Variants in CAMK1D observed in about 807,000 individuals in gnomAD.
The protein encoded by CAMK1D is calcium/calmodulin-dependent protein kinase type 1D.
CAMK1D carries 9 observed loss-of-function variants against 47.7 expected under a neutral mutation model. The observed-to-expected ratio is 0.19, with a 90% CI of 0.11 to 0.33. The LOEUF (loss-of-function observed/expected upper bound fraction) is 0.33, where lower values mean the gene tolerates loss of function less well. Among genes scored for constraint, CAMK1D ranks in the 10% least tolerant of loss-of-function variants. The pLI, the probability that CAMK1D is intolerant of heterozygous loss-of-function variation, is 1.00. For missense variants in CAMK1D, 291 were observed against 488.7 expected (o/e 0.60, Z 3.81); for synonymous variants, 184 against 184.9 (o/e 0.99, Z 0.04).
chr10:12,761,049 A>G lies in CAMK1D; in HGVS notation c.401A>G (p.Tyr134Cys), dbSNP rs1836483569. 1 of 1,614,168 alleles carries G rather than the reference A, an allele frequency of 6.2e-7. No individual in the cohort carries two copies. The highest frequency in any genetic ancestry group is 1.7e-5 in the Admixed American group (1 of 60,016). ...LIRQVLDAVYYLHRMGIVHRD... is the reference protein window; with the variant it reads ...LIRQVLDAVYCLHRMGIVHRD... ...CGCCAAGTCTTGGACGCCGTGTACTATCTCCACAGAATGGGCATCGTCCAC... is the reference window on the plus strand; with the variant it reads ...CGCCAAGTCTTGGACGCCGTGTACTGTCTCCACAGAATGGGCATCGTCCAC... The change falls in exon 4 of 11, where the codon TAT becomes TGT. Residue 134 changes from tyrosine to cysteine, a missense_variant. Physicochemically the swap from Tyr to Cys is radical, Grantham distance 194. Transcript: ENST00000619168.
chr10:12,740,850 C>T (rs1432355731), intron 3 of CAMK1D, among the ~76,000 whole-genome samples: 2 of 152,164 alleles, frequency 1.3e-5, no homozygotes, highest in Non-Finnish European at 2.9e-5. Flanking sequence ...ACTCACATCC[C>T]TTTGGTTGAG....
chr10:12,433,372 C>T (rs1279975361), intron 1 of CAMK1D, among the ~76,000 whole-genome samples: 1 of 152,056 alleles, frequency 6.6e-6, no homozygotes, highest in Non-Finnish European at 1.5e-5. Context: ...GCTCCAGGTA[C>T]AGCGTAATTT....
chr10:12,540,636 C>CATAGG (rs1473069864), intron 1 of CAMK1D, among the ~76,000 whole-genome samples: 1 of 152,200 alleles, frequency 6.6e-6, no homozygotes, highest in Non-Finnish European at 1.5e-5. Flanking sequence ...TGGTTTCAGA[C>CATAGG]ATAGGATTGT....
At chr10:12,707,652 A>C (rs1359936014) in intron 3 of CAMK1D, among the ~76,000 whole-genome samples, 3 of 152,194 alleles carry the variant, frequency 2.0e-5, no homozygotes. Flanking sequence ...CAGAACTTAG[A>C]GGGCAGAGGC....
chr10:12,354,035 A>G (rs1837426167), intron 1 of CAMK1D, among the ~76,000 whole-genome samples: 3 of 152,186 alleles, frequency 2.0e-5, no homozygotes, highest in African/African-American at 7.2e-5. Context: ...TCACTTCTGC[A>G]ATTTCCAGGC....
chr10:12,493,761 T>A (rs1354251415), intron 1 of CAMK1D, among the ~76,000 whole-genome samples: 2 of 152,200 alleles, frequency 1.3e-5, no homozygotes, highest in Non-Finnish European at 2.9e-5. Flanking sequence ...CCCAAAGTGC[T>A]GGGACTACAG....
At chr10:12,584,548 G>A (rs1282716718) in intron 2 of CAMK1D, among the ~76,000 whole-genome samples, 2 of 152,242 alleles carry the variant, frequency 1.3e-5, no homozygotes, top group East Asian at 3.9e-4. Context: ...GGCTGGGCGT[G>A]GTGGCTCTCG....
intron 1 of CAMK1D, among the ~76,000 whole-genome samples, chr10:12,388,935 A>T (rs1838620171): frequency 6.6e-6 from 1 of 152,156 alleles, no homozygotes; most frequent in East Asian, 1.9e-4. Context: ...CCTGCGGTAA[A>T]GGCGTGGCTT....
intron 3 of CAMK1D, among the ~76,000 whole-genome samples, chr10:12,723,818 G>C (rs918217681): frequency 2.0e-5 from 3 of 151,978 alleles, no homozygotes; most frequent in Non-Finnish European, 4.4e-5. Flanking sequence ...GTGCAGGTTT[G>C]TTACATATGT....
At chr10:12,611,476 G>C (rs1355696163) in intron 2 of CAMK1D, among the ~76,000 whole-genome samples, 1 of 151,966 alleles carries the variant, frequency 6.6e-6, no homozygotes, top group Non-Finnish European at 1.5e-5. Context: ...GCTCCGCCTG[G>C]GCCTGAGAAG....
At chr10:12,506,526 T>C (rs1332715560) in intron 1 of CAMK1D, among the ~76,000 whole-genome samples, 1 of 152,136 alleles carries the variant, frequency 6.6e-6, no homozygotes, top group South Asian at 2.1e-4. Flanking sequence ...CTCTTTCTTT[T>C]TTTTTTGAGA....
At chr10:12,599,235 G>A (rs994087000) in intron 2 of CAMK1D, among the ~76,000 whole-genome samples, 1 of 152,146 alleles carries the variant, frequency 6.6e-6, no homozygotes, top group Non-Finnish European at 1.5e-5. Flanking sequence ...GAAGGTTTTG[G>A]CTTAAAGAAT....
chr10:12,499,374 A>G (rs2132136487), intron 1 of CAMK1D, among the ~76,000 whole-genome samples: 1 of 152,200 alleles, frequency 6.6e-6, no homozygotes, highest in African/African-American at 2.4e-5. Context: ...TGCTGCCCAC[A>G]ATCCATATCT....
At chr10:12,445,182 C>T (rs1014907711) in intron 1 of CAMK1D, among the ~76,000 whole-genome samples, 1 of 152,160 alleles carries the variant, frequency 6.6e-6, no homozygotes, top group African/African-American at 2.4e-5. Context: ...GCCCGAATTC[C>T]AAAGGGAGGA....
intron 1 of CAMK1D, among the ~76,000 whole-genome samples, chr10:12,399,011 T>G (rs971779720): frequency 2.0e-5 from 3 of 152,210 alleles, no homozygotes; most frequent in African/African-American, 4.8e-5. Context: ...TTATTCTGCC[T>G]GCATCACAGT....
chr10:12,457,797 A>AG (rs1564351763), intron 1 of CAMK1D, among the ~76,000 whole-genome samples: 3 of 151,534 alleles, frequency 2.0e-5, no homozygotes, highest in Non-Finnish European at 4.4e-5. Context: ...AAAAAAAAAA[A>AG]AAAGAAAGAT....
chr10:12,804,138 C>T (rs1475219604), intron 6 of CAMK1D, among the ~76,000 whole-genome samples: 1 of 152,118 alleles, frequency 6.6e-6, no homozygotes, highest in African/African-American at 2.4e-5. Flanking sequence ...GGCTTTACTG[C>T]AAAAATAACT....
In CAMK1D at chr10:12,814,301, G is replaced by A. The variant is rs761796913; in HGVS notation, c.748G>A (p.Asp250Asn). 1.7e-5 allele frequency: 27 copies of A among 1,604,664 alleles called. No individual in the cohort carries two copies. Among genetic ancestry groups the A allele is most frequent in the East Asian group, 2.2e-5 (1 of 44,834 alleles). The change falls in exon 7 of 11, where the codon GAC (aspartate) becomes AAC (asparagine). Residue 250 changes from aspartate to asparagine, a missense_variant. Around this residue, in one of 2 missense-constraint regions of CAMK1D, gnomAD observed 219 missense variants for 424.3 expected, o/e 0.52. Transcript: ENST00000619168. ...FDSPYWDDIS[D>N]SAKDFIRNLM... ...CTCTCCCTACTGGGATGACATCTCC[G>A]ACTCTGGTAGGTCTCCCATAGGCAG...
chr10:12,442,750 A>G (rs1832818817), intron 1 of CAMK1D, among the ~76,000 whole-genome samples: 1 of 152,186 alleles, frequency 6.6e-6, no homozygotes, highest in Non-Finnish European at 1.5e-5. Flanking sequence ...TTTCCTAAGA[A>G]GGAAAGGATC....
Sources: allele counts gnomAD v4.1 joint callset (sites outside exome capture counted in the v4.1 genomes callset), GRCh38; gene constraint gnomAD v4.1.1; regional missense constraint gnomAD v4.1.1; transcripts MANE v1.5; gene names NCBI Gene and HGNC (gene_info 2026-07-23, HGNC 2026-07-21).